The following GRM8 variants were observed in gnomAD, a reference collection of about 807,000 sequenced individuals.
GRM8 encodes the protein glutamate metabotropic receptor 8.
In GRM8, 47 loss-of-function variants were observed where a neutral mutation model predicts 87.2. The observed-to-expected ratio is 0.54, with a 90% CI of 0.43 to 0.69. GRM8 has a LOEUF of 0.69. Among genes scored for constraint, GRM8 ranks in the 30% least tolerant of loss-of-function variants. The probability of loss-of-function intolerance (pLI) is 0.00; values close to 1 mark genes in which losing one functional copy is unlikely to be tolerated. For synonymous variants in GRM8, 396 were observed against 404.5 expected (o/e 0.98, Z 0.25); for missense variants, 1,019 against 1,139.2 (o/e 0.89, Z 1.52).
intron 2 of GRM8, among the ~76,000 whole-genome samples, chr7:127,157,169 G>A (rs1792781678): frequency 6.7e-6 from 1 of 150,054 alleles, no homozygotes; most frequent in African/African-American, 2.5e-5. Flanking sequence ...GAGAGAGGGA[G>A]GGAAGGAGGG....
At chr7:127,240,246 G>T (rs1409193632) in intron 2 of GRM8, among the ~76,000 whole-genome samples, 1 of 152,024 alleles carries the variant, frequency 6.6e-6, no homozygotes, top group Non-Finnish European at 1.5e-5. Context: ...GATCCCCGCT[G>T]CATAAAAACA....
intron 7 of GRM8, among the ~76,000 whole-genome samples, chr7:126,694,293 G>A (rs1258552060): frequency 6.6e-6 from 1 of 152,044 alleles, no homozygotes; most frequent in Non-Finnish European, 1.5e-5. Flanking sequence ...AAATGAAACT[G>A]AAACTTGTTA....
intron 7 of GRM8, among the ~76,000 whole-genome samples, chr7:126,644,396 G>A (rs2151216654): frequency 6.6e-6 from 1 of 152,196 alleles, no homozygotes; most frequent in East Asian, 1.9e-4. Context: ...AATTTTCAAG[G>A]CTTAAATATG....
chr7:126,999,042 G>A (rs2097617), intron 3 of GRM8, among the ~76,000 whole-genome samples: 48,786 of 151,656 alleles, frequency 0.32, 8,207 homozygotes, highest in African/African-American at 0.4. Context: ...ACAGCAGGGT[G>A]CTGGCATAAA....
At chr7:126,885,913 C>T (rs780793077) in intron 6 of GRM8, among the ~76,000 whole-genome samples, 17 of 152,026 alleles carry the variant, frequency 1.1e-4, no homozygotes, top group African/African-American at 2.9e-4. Flanking sequence ...GAAACATAAG[C>T]GCCTGAAGCA....
intron 6 of GRM8, among the ~76,000 whole-genome samples, chr7:126,792,893 G>A (rs896952146): frequency 2.3e-4 from 35 of 152,014 alleles, no homozygotes; most frequent in African/African-American, 9.7e-5. Flanking sequence ...ACTGCCCCTC[G>A]GCTACAAAAG....
At chr7:127,219,729 A>G (rs1796796968) in intron 2 of GRM8, 1 of 152,250 alleles carries the variant, frequency 6.6e-6, no homozygotes, top group South Asian at 2.1e-4. Flanking sequence ...GACCACAGAT[A>G]TTTTGAGAGT....
intron 6 of GRM8, among the ~76,000 whole-genome samples, chr7:126,826,567 GT>G (rs1350554422): frequency 3.9e-5 from 6 of 152,034 alleles, no homozygotes; most frequent in Non-Finnish European, 8.8e-5. Context: ...TGATGGGGTT[GT>G]TTTTTTCTTG....
chr7:126,884,971 G>A (rs1800353777), intron 6 of GRM8, among the ~76,000 whole-genome samples: 1 of 152,192 alleles, frequency 6.6e-6, no homozygotes, highest in South Asian at 2.1e-4. Flanking sequence ...TCAGCAAACA[G>A]CTGAAGGAAG....
At chr7:127,044,945 T>A (rs981160058) in intron 3 of GRM8, among the ~76,000 whole-genome samples, 3 of 152,202 alleles carry the variant, frequency 2.0e-5, no homozygotes, top group African/African-American at 7.2e-5. Flanking sequence ...TTCAGATTTT[T>A]TTATTTTAAA....
chr7:126,751,536 T>C (rs1816418065), intron 7 of GRM8, among the ~76,000 whole-genome samples: 1 of 152,152 alleles, frequency 6.6e-6, no homozygotes, highest in African/African-American at 2.4e-5. Flanking sequence ...CAACTTGCAT[T>C]ATTTAGACAG....
At chr7:126,735,132 T>C (rs1346220298) in intron 7 of GRM8, among the ~76,000 whole-genome samples, 1 of 152,094 alleles carries the variant, frequency 6.6e-6, no homozygotes, top group African/African-American at 2.4e-5. Flanking sequence ...TTGTTTAAAT[T>C]GCTGTAGGGC....
At chr7:126,757,526 T>C (rs1432312710) in intron 7 of GRM8, among the ~76,000 whole-genome samples, 1 of 152,212 alleles carries the variant, frequency 6.6e-6, no homozygotes, top group Non-Finnish European at 1.5e-5. Flanking sequence ...TGAGTATAAA[T>C]TGTACTTGCC....
At chr7:126,484,810 T>C (rs1807159005) in intron 9 of GRM8, among the ~76,000 whole-genome samples, 1 of 151,842 alleles carries the variant, frequency 6.6e-6, no homozygotes, top group African/African-American at 2.4e-5. Flanking sequence ...TTAAAAATAT[T>C]AAATAACTGA....
At chr7:127,193,244 A>G (rs1159274461) in intron 2 of GRM8, among the ~76,000 whole-genome samples, 1 of 152,188 alleles carries the variant, frequency 6.6e-6, no homozygotes, top group African/African-American at 2.4e-5. Flanking sequence ...CTTCTCGACA[A>G]AAGAACACAA....
intron 2 of GRM8, among the ~76,000 whole-genome samples, chr7:127,205,256 T>C (rs1795837814): frequency 2.0e-5 from 3 of 152,204 alleles, no homozygotes; most frequent in Non-Finnish European, 4.4e-5. Flanking sequence ...CCCTACTAAG[T>C]GCCAAGCATA....
intron 3 of GRM8, among the ~76,000 whole-genome samples, chr7:126,994,207 C>T (rs1348126942): frequency 6.6e-6 from 1 of 152,132 alleles, no homozygotes; most frequent in Non-Finnish European, 1.5e-5. Context: ...GGCCCTACCT[C>T]CCAGATGACA....
At chr7:126,937,649 C>A (rs1335237158) in intron 3 of GRM8, among the ~76,000 whole-genome samples, 1 of 152,204 alleles carries the variant, frequency 6.6e-6, no homozygotes, top group Admixed American at 6.5e-5. Context: ...CCAAGTAGTT[C>A]TTGCCCAGAG....
At chr7:126,841,801 T>A (rs939815393) in intron 6 of GRM8, among the ~76,000 whole-genome samples, 20 of 152,056 alleles carry the variant, frequency 1.3e-4, no homozygotes, top group Middle Eastern at 3.4e-3. Context: ...TATTTTTTTT[T>A]AAATATATTT....
Sources: gnomAD v4.1 joint callset for allele counts (sites outside exome capture counted in the v4.1 genomes callset) on GRCh38, gnomAD v4.1.1 for gene constraint, MANE v1.5 for transcripts, NCBI Gene and HGNC (gene_info 2026-07-23, HGNC 2026-07-21) for gene names.